Variants in RSBN1L observed in about 807,000 individuals in gnomAD.
RSBN1L encodes round spermatid basic protein 1 like.
A neutral mutation model predicts 67.7 loss-of-function variants in RSBN1L; 30 were observed. That is an observed-to-expected ratio of 0.44 (90% CI 0.33 to 0.60). The LOEUF (loss-of-function observed/expected upper bound fraction) is 0.60, where lower values mean the gene tolerates loss of function less well. RSBN1L is among the 20% of genes least tolerant of loss of function. The pLI is 0.02. For synonymous variants in RSBN1L, 433 were observed against 387.0 expected, an observed-to-expected ratio of 1.12 and a Z score of -1.39; for missense variants, 992 against 1,031.7, an observed-to-expected ratio of 0.96 and a Z score of 0.53.
intron 1 of RSBN1L, among the ~76,000 whole-genome samples, chr7:77,716,019 A>G (rs1791043902): frequency 6.6e-6 from 1 of 152,124 alleles, no homozygotes; most frequent in Non-Finnish European, 1.5e-5. Flanking sequence ...TGTTTTGCAA[A>G]TGTTTTCTAC....
At chr7:77,715,321 A>G (rs925354215) in intron 1 of RSBN1L, among the ~76,000 whole-genome samples, 1 of 152,066 alleles carries the variant, frequency 6.6e-6, no homozygotes, top group Non-Finnish European at 1.5e-5. Flanking sequence ...TCTTGGGTAA[A>G]TACCTAGCAG....
intron 6 of RSBN1L, 40 bp from the exon 7 acceptor site, chr7:77,778,298 C>A: frequency 1.5e-6 from 2 of 1,376,990 alleles, no homozygotes; most frequent in Non-Finnish European, 2.0e-6. Flanking sequence ...AAGAGTGAAG[C>A]ATTTATGGCA....
At position 77,736,507 on chromosome 7, in the gene RSBN1L, A is replaced by G; in HGVS notation, c.684A>G (p.Glu228=). 2 of 1,314,396 alleles carry G rather than the reference A, an allele frequency of 1.5e-6. No homozygotes were observed. The highest frequency in any genetic ancestry group is 2.1e-6 in the Non-Finnish European group (2 of 965,852). 81.4% of individuals were successfully genotyped at this position (1,314,396 alleles called of 1,614,324 possible). ...ATGAGATCAAGAAAGAGAATGGAGA[A>G]GTAAAGATTTTGCTGAAAAGTAAGT... ...VMNEIKKENG[E]VKILLKSGKE... Residue 228 remains glutamate (E), a synonymous_variant, in exon 2 of 8, where the codon GAA becomes GAG. Transcript: ENST00000334955.
chr7:77,726,860 A>C (rs1260728031), intron 1 of RSBN1L, among the ~76,000 whole-genome samples: 1 of 145,946 alleles, frequency 6.9e-6, no homozygotes, highest in Non-Finnish European at 1.5e-5. Flanking sequence ...GGCTCACTGC[A>C]ACCTCCACAT....
chr7:77,696,961 G>C lies in RSBN1L; in HGVS notation c.492G>C (p.Arg164=), dbSNP rs1790741369. 5 of 1,577,974 alleles carry C rather than the reference G, an allele frequency of 3.2e-6. No homozygotes were observed. The highest frequency in any genetic ancestry group is 2.7e-5 in the African/African-American group (2 of 74,236). The stretch of plus-strand genomic sequence containing the variant: ...AGTCGCGCAGACCTAAGGAGAAGCG[G>C]GAGAAGGAGAGGAGGAGGCACGGTC... ...NAKSRRPKEK[R]EKERRRHGLG... The change falls in exon 1 of 8, where the codon CGG becomes CGC. Residue 164 remains arginine (R), a synonymous_variant. Transcript: ENST00000334955.
In RSBN1L at chr7:77,696,765, C is replaced by T. The variant is rs545287007; in HGVS notation, c.296C>T (p.Ser99Phe). Residue 99 changes from serine to phenylalanine, a missense_variant, in exon 1 of 8, where the codon TCT (serine) becomes TTT (phenylalanine). Around this residue, in one of 7 missense-constraint regions of RSBN1L, gnomAD observed 575 missense variants for 483.2 expected, o/e 1.19. Transcript: ENST00000334955. The stretch of plus-strand genomic sequence containing the variant: ...CTGTCTGCTGCTCCCTCCCCGTCCT[C>T]TTCTCGGAGCAGTTTCTCTTTCTCC... ...APLSAAPSPS[S>F]SRSSFSFSAG... The T allele has an allele frequency of 1.9e-6, 3 of 1,613,870 alleles. No individual in the cohort carries two copies. The highest frequency in any genetic ancestry group is 1.1e-5 in the South Asian group (1 of 91,082).
At chr7:77,777,066 T>TA (rs1791928247) in intron 6 of RSBN1L, among the ~76,000 whole-genome samples, 1 of 151,874 alleles carries the variant, frequency 6.6e-6, no homozygotes, top group African/African-American at 2.4e-5. Flanking sequence ...GTTTTTTTTT[T>TA]ATTTCAGTAT....
At position 77,782,804 on chromosome 7, in the gene RSBN1L, T is replaced by C. The variant is rs1167216113; in HGVS notation, c.*3636T>C. On this transcript the variant is annotated 3_prime_UTR_variant, in exon 8 of 8. Coordinates refer to ENST00000334955, the MANE Select transcript of RSBN1L (RefSeq NM_198467.3). ...GTGTTCCTGAGTGTAAAACAGTTTT[T>C]TCCCAAATACTTATGGCAGATAAGA... is the stretch of plus-strand genomic sequence containing the variant. 1 of 152,216 alleles carries C rather than the reference T, an allele frequency of 6.6e-6. No individual in the cohort carries two copies. Among genetic ancestry groups the C allele is most frequent in the African/African-American group, 2.4e-5 (1 of 41,460 alleles). The allele number at this position is 152,216 out of a possible 1,614,324, so 9.4% of individuals were successfully genotyped here.
chr7:77,755,217 C>G (rs1791601353), intron 3 of RSBN1L, among the ~76,000 whole-genome samples: 1 of 152,126 alleles, frequency 6.6e-6, no homozygotes, highest in African/African-American at 2.4e-5. Context: ...ATAATAAAGC[C>G]AAATTAATGT....
chr7:77,713,095 T>G (rs1790997034), intron 1 of RSBN1L, among the ~76,000 whole-genome samples: 1 of 152,178 alleles, frequency 6.6e-6, no homozygotes, highest in South Asian at 2.1e-4. Flanking sequence ...AGATTAAACA[T>G]TTTTTCACAT....
chr7:77,742,102 G>A (rs980040198), intron 2 of RSBN1L, among the ~76,000 whole-genome samples: 5 of 150,760 alleles, frequency 3.3e-5, no homozygotes, highest in South Asian at 2.1e-4. Flanking sequence ...AGCTGGGGCC[G>A]GAGGATTGCT....
intron 3 of RSBN1L, among the ~76,000 whole-genome samples, chr7:77,753,846 G>C (rs1394775552): frequency 1.3e-5 from 2 of 152,156 alleles, no homozygotes. Flanking sequence ...ATGAGGTAAA[G>C]ATCAGGGTTT....
At chr7:77,732,562 G>A (rs1189530442) in intron 1 of RSBN1L, among the ~76,000 whole-genome samples, 1 of 152,158 alleles carries the variant, frequency 6.6e-6, no homozygotes, top group African/African-American at 2.4e-5. Flanking sequence ...TCGAACTCCT[G>A]ATATCAGACA....
At chr7:77,743,437 A>T (rs1202783390) in intron 2 of RSBN1L, among the ~76,000 whole-genome samples, 1 of 147,816 alleles carries the variant, frequency 6.8e-6, no homozygotes, top group East Asian at 1.9e-4. Flanking sequence ...TGTCTCTATT[A>T]AAAAAATAAA....
At chr7:77,777,429 C>T (rs1014037373) in intron 6 of RSBN1L, among the ~76,000 whole-genome samples, 3 of 151,626 alleles carry the variant, frequency 2.0e-5, no homozygotes, top group South Asian at 2.1e-4. Flanking sequence ...GCTGTTTTCT[C>T]GGTGACAGAT....
intron 2 of RSBN1L, among the ~76,000 whole-genome samples, chr7:77,738,790 A>T (rs1173818442): frequency 6.6e-6 from 1 of 151,986 alleles, no homozygotes; most frequent in African/African-American, 2.4e-5. Flanking sequence ...TCTACTAAAA[A>T]ATACAAAAAA....
intron 3 of RSBN1L, among the ~76,000 whole-genome samples, chr7:77,761,047 A>T (rs936935260): frequency 6.6e-6 from 1 of 152,270 alleles, no homozygotes; most frequent in African/African-American, 2.4e-5. Context: ...GTAAGCTCAC[A>T]TTGAGCGTCA....
chr7:77,758,342 CTTTAAATT>C (rs1427084370), intron 3 of RSBN1L, among the ~76,000 whole-genome samples: 5 of 151,978 alleles, frequency 3.3e-5, no homozygotes, highest in Admixed American at 3.3e-4. Flanking sequence ...TTAAAAAATC[CTTTAAATT>C]TTTAATATTT....
intron 4 of RSBN1L, among the ~76,000 whole-genome samples, chr7:77,767,044 C>T (rs1255531165): frequency 6.9e-6 from 1 of 144,056 alleles, no homozygotes; most frequent in Non-Finnish European, 1.5e-5. Context: ...TTCCCCTTCC[C>T]TTCCCCTTCC....
Sources: allele counts gnomAD v4.1 joint callset (sites outside exome capture counted in the v4.1 genomes callset), GRCh38; gene constraint gnomAD v4.1.1; regional missense constraint gnomAD v4.1.1; transcripts MANE v1.5; gene names NCBI Gene and HGNC (gene_info 2026-07-23, HGNC 2026-07-21).